The following RALGPS2 variants were observed in gnomAD, a reference collection of about 807,000 sequenced individuals.
RALGPS2 encodes the protein ras-specific guanine nucleotide-releasing factor RalGPS2.
A neutral mutation model predicts 86.8 loss-of-function variants in RALGPS2; 43 were observed. The observed-to-expected ratio is 0.50, with a 90% confidence interval of 0.39 to 0.64. The LOEUF (loss-of-function observed/expected upper bound fraction) is 0.64. Among genes scored for constraint, RALGPS2 ranks in the 30% least tolerant of loss-of-function variants. RALGPS2 has a pLI of 0.00. For synonymous variants in RALGPS2, 243 were observed against 231.3 expected, an observed-to-expected ratio of 1.05 and a Z score of -0.46; for missense variants, 536 against 694.6, an observed-to-expected ratio of 0.77 and a Z score of 2.57.
chr1:178,807,350 C>G (rs1465472707), intron 4 of RALGPS2, among the ~76,000 whole-genome samples: 1 of 152,112 alleles, frequency 6.6e-6, no homozygotes, highest in Non-Finnish European at 1.5e-5. Context: ...AATAAAATAA[C>G]TACCATAAGT....
chr1:178,806,215 A>T, intron 4 of RALGPS2, among the ~76,000 whole-genome samples: 1 of 152,170 alleles, frequency 6.6e-6, no homozygotes, highest in South Asian at 2.1e-4. Flanking sequence ...TAGAAGACAA[A>T]TTCTCTGAGA....
At chr1:178,813,064 C>G (rs1451641404) in intron 6 of RALGPS2, among the ~76,000 whole-genome samples, 1 of 150,904 alleles carries the variant, frequency 6.6e-6, no homozygotes, top group East Asian at 2.0e-4. Flanking sequence ...TCCCAAGTAT[C>G]TGGGACTACA....
chr1:178,835,150 G>A (rs1656211775), intron 8 of RALGPS2, among the ~76,000 whole-genome samples: 1 of 152,146 alleles, frequency 6.6e-6, no homozygotes, highest in African/African-American at 2.4e-5. Context: ...AGAAGGAATA[G>A]GGAATTTTTC....
At chr1:178,896,698 G>A (rs1659960844) in intron 16 of RALGPS2, among the ~76,000 whole-genome samples, 1 of 144,794 alleles carries the variant, frequency 6.9e-6, no homozygotes, top group South Asian at 2.3e-4. Flanking sequence ...ACCTATGAGT[G>A]AGAATATGCG....
intron 1 of RALGPS2, among the ~76,000 whole-genome samples, chr1:178,738,380 T>C (rs764233333): frequency 3.3e-5 from 5 of 151,966 alleles, no homozygotes; most frequent in Admixed American, 1.3e-4. Flanking sequence ...GGCTGATTTT[T>C]TGTGTTTTAG....
chr1:178,879,558 C>T (rs79577347), intron 10 of RALGPS2: 5,004 of 152,416 alleles, frequency 0.033, 146 homozygotes, highest in East Asian at 0.092. Flanking sequence ...TTTGGGAGGC[C>T]GAGGCGGGTG....
chr1:178,845,467 C>T (rs948529257), intron 8 of RALGPS2, among the ~76,000 whole-genome samples: 1 of 152,118 alleles, frequency 6.6e-6, no homozygotes, highest in Admixed American at 6.5e-5. Context: ...GTCTCCTCCT[C>T]AACAGAATGT....
At chr1:178,863,700 A>C (rs1487886648) in intron 8 of RALGPS2, among the ~76,000 whole-genome samples, 1 of 152,228 alleles carries the variant, frequency 6.6e-6, no homozygotes, top group East Asian at 1.9e-4. Flanking sequence ...TGAAGCCAAA[A>C]TACTCTAAAG....
At chr1:178,802,455 G>T (rs1369664296) in intron 4 of RALGPS2, among the ~76,000 whole-genome samples, 1 of 152,048 alleles carries the variant, frequency 6.6e-6, no homozygotes, top group East Asian at 1.9e-4. Flanking sequence ...GTTATTCAAG[G>T]TTTAGGATAT....
chr1:178,842,973 G>A (rs1656666741), intron 8 of RALGPS2, among the ~76,000 whole-genome samples: 1 of 150,088 alleles, frequency 6.7e-6, no homozygotes, highest in African/African-American at 2.4e-5. Flanking sequence ...ACACCAGTTA[G>A]AATGGCAATC....
chr1:178,760,499 C>G (rs1652181403), intron 1 of RALGPS2, among the ~76,000 whole-genome samples: 1 of 152,016 alleles, frequency 6.6e-6, no homozygotes, highest in Admixed American at 6.6e-5. Context: ...GAATAGCAAC[C>G]CCTGCTCTTT....
intron 6 of RALGPS2, among the ~76,000 whole-genome samples, chr1:178,820,768 T>C (rs1334046451): frequency 1.3e-5 from 2 of 152,228 alleles, no homozygotes; most frequent in Non-Finnish European, 2.9e-5. Flanking sequence ...TCCAGTTAGA[T>C]TATATAACCT....
chr1:178,878,135 C>G (rs74465288), intron 9 of RALGPS2, among the ~76,000 whole-genome samples: 6,051 of 152,084 alleles, frequency 0.04, 164 homozygotes, highest in African/African-American at 0.069. Context: ...GTCAGACTAT[C>G]GAGTAAATAG....
At chr1:178,881,209 AG>A (rs1364984686) in intron 10 of RALGPS2, among the ~76,000 whole-genome samples, 4 of 152,172 alleles carry the variant, frequency 2.6e-5, no homozygotes. Flanking sequence ...AACATAGATA[AG>A]GGGGGACCTA....
chr1:178,738,203 C>CTTTT (rs1051296802), intron 1 of RALGPS2, among the ~76,000 whole-genome samples: 42 of 110,718 alleles, frequency 3.8e-4, no homozygotes, highest in African/African-American at 9.9e-4. Context: ...AGATGGATAT[C>CTTTT]TTTTTTTTTT....
chr1:178,915,495 A>G (rs555511890), intron 19 of RALGPS2, among the ~76,000 whole-genome samples: 1 of 152,206 alleles, frequency 6.6e-6, no homozygotes, highest in South Asian at 2.1e-4. Context: ...TCAGCCTCCC[A>G]AAGTGCTGGG....
chr1:178,808,397 A>G (rs1213055276), intron 5 of RALGPS2, among the ~76,000 whole-genome samples: 1 of 152,002 alleles, frequency 6.6e-6, no homozygotes, highest in East Asian at 1.9e-4. Context: ...TCAGATCTAC[A>G]TTTCAGTTCA....
chr1:178,852,973 C>CATG (rs1296872357), intron 8 of RALGPS2: 6 of 1,591,480 alleles, frequency 3.8e-6, no homozygotes, highest in Non-Finnish European at 5.1e-6. Flanking sequence ...AGTGAAGAAA[C>CATG]ATGAGTGCAT....
chr1:178,878,876 A>T (rs757098326), intron 9 of RALGPS2, 26 bp from the exon 10 acceptor site: 16 of 1,608,220 alleles, frequency 9.9e-6, no homozygotes, highest in Non-Finnish European at 1.3e-5. Flanking sequence ...ACTTTATCAG[A>T]TAATTATTTA....
Sources: gnomAD v4.1 joint callset for allele counts (sites outside exome capture counted in the v4.1 genomes callset) on GRCh38, gnomAD v4.1.1 for gene constraint, MANE v1.5 for transcripts, NCBI Gene and HGNC (gene_info 2026-07-23, HGNC 2026-07-21) for gene names.